ARPC1A: variants seen among roughly 807,000 people sequenced by gnomAD.
ARPC1A encodes actin-related protein 2/3 complex subunit 1A.
A neutral mutation model predicts 46.9 loss-of-function variants in ARPC1A; 8 were observed. The ratio of observed to expected loss-of-function variants is 0.17; its 90% confidence interval spans 0.10 to 0.31. The LOEUF (loss-of-function observed/expected upper bound fraction) is 0.31, where lower values mean the gene tolerates loss of function less well. ARPC1A is among the 10% of genes least tolerant of loss of function. The pLI is 1.00. For synonymous variants in ARPC1A, 152 were observed against 169.0 expected (o/e 0.90, Z 0.78); for missense variants, 286 against 483.6 (o/e 0.59, Z 3.83).
intron 2 of ARPC1A, among the ~76,000 whole-genome samples, chr7:99,336,031 G>A (rs1159107484): frequency 6.6e-6 from 1 of 151,810 alleles, no homozygotes; most frequent in African/African-American, 2.4e-5. Context: ...TTTAGAGCAT[G>A]TGTTTTGTGA....
At chr7:99,359,999 C>T (rs1793712762) in intron 8 of ARPC1A, 1 of 516,142 alleles carries the variant, frequency 1.9e-6, no homozygotes, top group Non-Finnish European at 3.5e-6. Context: ...GCAGTGCAGA[C>T]CTTGTTGCAA....
intron 7 of ARPC1A, 121 bp downstream of exon 7, chr7:99,358,536 C>CTTTTT (rs5886103): frequency 9.7e-5 from 31 of 319,784 alleles, no homozygotes; most frequent in South Asian, 1.8e-4. Flanking sequence ...ACAGAGCTCA[C>CTTTTT]TTTTTTTTTT....
chr7:99,337,088 T>C (rs750038536), intron 2 of ARPC1A, among the ~76,000 whole-genome samples: 3 of 152,092 alleles, frequency 2.0e-5, no homozygotes, highest in Admixed American at 1.3e-4. Flanking sequence ...GACTTACGAT[T>C]TGGGGATATT....
intron 3 of ARPC1A, among the ~76,000 whole-genome samples, chr7:99,343,570 T>G (rs777484458): frequency 7.2e-5 from 11 of 152,194 alleles, no homozygotes; most frequent in Middle Eastern, 3.2e-3. Context: ...ACCTTGAGTC[T>G]TGGTATATGA....
chr7:99,360,008 A>G (rs983845088), intron 8 of ARPC1A: 3 of 498,290 alleles, frequency 6.0e-6, no homozygotes, highest in African/African-American at 5.8e-5. Flanking sequence ...ACCTTGTTGC[A>G]ATCTGAGGTG....
chr7:99,332,523 C>T (rs1157163118), intron 1 of ARPC1A, among the ~76,000 whole-genome samples: 3 of 152,004 alleles, frequency 2.0e-5, no homozygotes, highest in Non-Finnish European at 4.4e-5. Context: ...AGTCCATTGA[C>T]GACCCTGAAC....
rs138466765 is a variant in ARPC1A, at chr7:99,352,282, A to C, written c.501-1627A>C. Among the ~76,000 whole-genome samples, 241 of 152,262 alleles carry C rather than the reference A, an allele frequency of 1.6e-3. 1 individual carries two copies. Among genetic ancestry groups the C allele is most frequent in the African/African-American group, 5.7e-3 (235 of 41,566 alleles). Reference sequence around the variant, plus strand: ...AAGATCTCCCCAGAATGTGCAGTCCATGAGGACAGGTCTTTTGTGATCACT... The same window carrying C: ...AAGATCTCCCCAGAATGTGCAGTCCCTGAGGACAGGTCTTTTGTGATCACT... On this transcript the variant is annotated intron_variant, in intron 5 of 9. Coordinates refer to ENST00000262942, the MANE Select transcript of ARPC1A (RefSeq NM_006409.4).
chr7:99,338,183 A>C lies in ARPC1A; in HGVS notation c.67A>C (p.Ile23Leu). ...TGTTGTTTGACTTGTGTCTCCAGAG[A>C]TTGCCCTCAGTCCCAATAATCACGA... ...CHAWNRDRTQIALSPNNHEVH... is the reference protein window; with the variant it reads ...CHAWNRDRTQLALSPNNHEVH... The change falls in exon 3 of 10, where the codon ATT becomes CTT. Residue 23 changes from isoleucine (I) to leucine (L), a missense_variant and splice_region_variant. Transcript: ENST00000262942. 4 of 1,607,560 alleles carry C rather than the reference A, an allele frequency of 2.5e-6. No homozygotes were observed. The highest frequency in any genetic ancestry group is 3.4e-6 in the Non-Finnish European group (4 of 1,174,606).
At chr7:99,328,300 C>T (rs893599538) in intron 1 of ARPC1A, among the ~76,000 whole-genome samples, 7 of 152,068 alleles carry the variant, frequency 4.6e-5, no homozygotes, top group African/African-American at 1.2e-4. Flanking sequence ...ACCCGGGAGA[C>T]GGAGGTTGCG....
intron 5 of ARPC1A, among the ~76,000 whole-genome samples, chr7:99,352,811 A>G (rs978870773): frequency 6.6e-6 from 1 of 150,766 alleles, no homozygotes; most frequent in Non-Finnish European, 1.5e-5. Flanking sequence ...CTAAAAATAC[A>G]AAATTAGCCA....
At chr7:99,329,167 G>A in intron 1 of ARPC1A, among the ~76,000 whole-genome samples, 1 of 152,060 alleles carries the variant, frequency 6.6e-6, no homozygotes, top group Non-Finnish European at 1.5e-5. Flanking sequence ...CGGGTGTGGT[G>A]GCGGGCCCCT....
At chr7:99,363,677 T>TC (rs767033478) in intron 9 of ARPC1A, 44 bp downstream of exon 9, 2 of 847,512 alleles carry the variant, frequency 2.4e-6, no homozygotes, top group Non-Finnish European at 3.1e-6. Context: ...TGTTAAAACT[T>TC]TTTTTTTTTT....
At chr7:99,338,589 T>G (rs2150862300) in intron 3 of ARPC1A, among the ~76,000 whole-genome samples, 1 of 152,020 alleles carries the variant, frequency 6.6e-6, no homozygotes, top group African/African-American at 2.4e-5. Context: ...TTTCACCATG[T>G]TGGTCAAGCT....
At chr7:99,351,063 G>A (rs996010978) in intron 5 of ARPC1A, among the ~76,000 whole-genome samples, 11 of 152,056 alleles carry the variant, frequency 7.2e-5, no homozygotes, top group Middle Eastern at 3.4e-3. Flanking sequence ...TGAGTTTGGC[G>A]GAGAGGATGG....
chr7:99,362,330 G>GTC (rs1793758358), intron 8 of ARPC1A, among the ~76,000 whole-genome samples: 2 of 110,610 alleles, frequency 1.8e-5, no homozygotes, highest in African/African-American at 7.5e-5. Flanking sequence ...GTAAAACCCC[G>GTC]CCCCCCTTTT....
In ARPC1A at chr7:99,346,762, G is replaced by A. The variant is rs116999895; in HGVS notation, c.393-2090G>A. 6.6e-3 allele frequency among the ~76,000 whole-genome samples: 1,009 copies of A among 152,252 alleles called. 6 individuals are homozygous for A. Among genetic ancestry groups the A allele is most frequent in the Non-Finnish European group, 0.01 (687 of 67,998 alleles). On this transcript the variant is annotated intron_variant, in intron 4 of 9. Coordinates refer to ENST00000262942, the MANE Select transcript of ARPC1A (RefSeq NM_006409.4). The stretch of plus-strand genomic sequence containing the variant: ...TGCGAGGCCAAGGCAGGCGGATCAC[G>A]AAGTCAAGAGTTCGAAACCATCCTG...
chr7:99,332,534 A>G (rs764375249), intron 1 of ARPC1A, among the ~76,000 whole-genome samples: 1 of 152,232 alleles, frequency 6.6e-6, no homozygotes, highest in Non-Finnish European at 1.5e-5. Context: ...GACCCTGAAC[A>G]GAATAAATTC....
rs1793590542 is a variant in ARPC1A, at chr7:99,353,990, G to A, written c.582G>A (p.Leu194=). 1.2e-6 allele frequency: 2 copies of A among 1,614,028 alleles called. No homozygotes were observed. Among genetic ancestry groups the A allele is most frequent in the Non-Finnish European group, 1.7e-6 (2 of 1,179,880 alleles). The change falls in exon 6 of 10, where the codon CTG becomes CTA. Residue 194 remains leucine, a synonymous_variant. Coordinates refer to ENST00000262942, the MANE Select transcript of ARPC1A (RefSeq NM_006409.4). ...PWGSKMPFGQ[L]MSEFGGSGTG... ...GCAGCAAGATGCCTTTTGGGCAGCT[G>A]ATGTCAGAGTTTGGTGGCAGTGGCA...
intron 4 of ARPC1A, among the ~76,000 whole-genome samples, chr7:99,345,261 A>G (rs1387836651): frequency 2.0e-5 from 3 of 152,028 alleles, no homozygotes; most frequent in African/African-American, 7.2e-5. Flanking sequence ...TTATTTGCCA[A>G]CCAAATCTGT....
Sources: allele counts gnomAD v4.1 joint callset (sites outside exome capture counted in the v4.1 genomes callset), GRCh38; gene constraint gnomAD v4.1.1; transcripts MANE v1.5; gene names NCBI Gene and HGNC (gene_info 2026-07-23, HGNC 2026-07-21).